The following DIP2C variants were observed in gnomAD, a reference collection of about 807,000 sequenced individuals.
DIP2C encodes the protein DIP2 acetate--CoA ligase C (putative).
Under a neutral mutation model 192.4 loss-of-function variants are expected in DIP2C, and 33 were observed. The observed-to-expected ratio is 0.17, with a 90% CI of 0.13 to 0.23. DIP2C has a LOEUF of 0.23. DIP2C is among the 10% of genes least tolerant of loss of function. DIP2C has a pLI of 1.00. For missense variants in DIP2C, 1,537 were observed against 2,110.1 expected, an observed-to-expected ratio of 0.73 and a Z score of 5.32; for synonymous variants, 979 against 864.1, an observed-to-expected ratio of 1.13 and a Z score of -2.33.
intron 1 of DIP2C, among the ~76,000 whole-genome samples, chr10:597,486 C>G (rs773691907): frequency 6.6e-6 from 1 of 152,158 alleles, no homozygotes; most frequent in Non-Finnish European, 1.5e-5. Context: ...GAATGGAGAC[C>G]TGGTGAATGG....
At chr10:431,837 G>A (rs918883071) in intron 4 of DIP2C, among the ~76,000 whole-genome samples, 2 of 152,170 alleles carry the variant, frequency 1.3e-5, no homozygotes, top group Non-Finnish European at 2.9e-5. Flanking sequence ...ATCTTAGTGG[G>A]AAAAATTCTA....
At chr10:520,017 C>T (rs973253568) in intron 1 of DIP2C, among the ~76,000 whole-genome samples, 19 of 152,240 alleles carry the variant, frequency 1.2e-4, no homozygotes, top group African/African-American at 3.6e-4. Context: ...AGCGATGGTT[C>T]TCCCCAGAGC....
chr10:349,164 GGTC>G (rs1298863017), intron 25 of DIP2C, among the ~76,000 whole-genome samples, 164 bp downstream of exon 25: 7 of 152,218 alleles, frequency 4.6e-5, no homozygotes, highest in African/African-American at 1.4e-4. Flanking sequence ...GCCTGTGAGT[GGTC>G]GTAGCCAGAC....
intron 29 of DIP2C, among the ~76,000 whole-genome samples, chr10:340,187 AAAAAGAT>A (rs1171611833): frequency 6.6e-6 from 1 of 151,932 alleles, no homozygotes; most frequent in Non-Finnish European, 1.5e-5. Context: ...TCAAAAAAAA[AAAAAGAT>A]AAAAGATCCA....
At chr10:528,148 ACCTCCTTGGTT>A (rs1257043483) in intron 1 of DIP2C, among the ~76,000 whole-genome samples, 2 of 151,460 alleles carry the variant, frequency 1.3e-5, no homozygotes, top group Non-Finnish European at 2.9e-5. Flanking sequence ...GAGAGAGAAA[ACCTCCTTGGTT>A]CCTCAAGCTA....
At position 470,772 on chromosome 10, in the gene DIP2C, G is replaced by A. The variant is rs568412620; in HGVS notation, c.268+1667C>T. Among the ~76,000 whole-genome samples, 36 of 152,314 alleles carry A rather than the reference G, an allele frequency of 2.4e-4. No homozygotes were observed. The East Asian group carries it at 4.6e-3, about 20-fold the overall frequency. On this transcript the variant is annotated intron_variant, in intron 3 of 36. Transcript: ENST00000280886. Reference sequence around the variant, plus strand: ...CAAAGATGGGCTTGCATCCTCCTGCGAGGAGCGACCCCGTGTGATCGTCAG... The same window carrying A: ...CAAAGATGGGCTTGCATCCTCCTGCAAGGAGCGACCCCGTGTGATCGTCAG...
chr10:512,481 G>T (rs908393932), intron 1 of DIP2C, among the ~76,000 whole-genome samples: 1 of 152,060 alleles, frequency 6.6e-6, no homozygotes, highest in African/African-American at 2.4e-5. Context: ...GTGCTGAGGT[G>T]GGAGGATCAC....
chr10:649,640 T>C (rs1296456311), intron 1 of DIP2C, among the ~76,000 whole-genome samples: 1 of 152,236 alleles, frequency 6.6e-6, no homozygotes, highest in Non-Finnish European at 1.5e-5. Context: ...TGCCATTCAT[T>C]GGGGGAAGTC....
intron 1 of DIP2C, among the ~76,000 whole-genome samples, chr10:538,182 G>A (rs1488049195): frequency 1.3e-5 from 2 of 152,142 alleles, no homozygotes; most frequent in Non-Finnish European, 2.9e-5. Flanking sequence ...CTTTGGGACA[G>A]GGTCTTGCTC....
At chr10:328,631 T>G (rs571875061) in intron 30 of DIP2C, among the ~76,000 whole-genome samples, 1 of 152,380 alleles carries the variant, frequency 6.6e-6, no homozygotes, top group South Asian at 2.1e-4. Context: ...TTACTTATGT[T>G]ACATAAAGTT....
chr10:384,331 T>C (rs1346165724), intron 15 of DIP2C, among the ~76,000 whole-genome samples, 185 bp from the exon 16 acceptor site: 1 of 130,164 alleles, frequency 7.7e-6, no homozygotes, highest in East Asian at 2.6e-4. Context: ...CTCCTTCTCC[T>C]GGGTTCAAGA....
intron 1 of DIP2C, among the ~76,000 whole-genome samples, chr10:682,097 G>A (rs938529579): frequency 2.0e-5 from 3 of 152,256 alleles, no homozygotes; most frequent in African/African-American, 7.2e-5. Context: ...CTGGTCTGCT[G>A]ACCATGGGCT....
At chr10:589,438 C>T (rs1851276677) in intron 1 of DIP2C, among the ~76,000 whole-genome samples, 1 of 152,212 alleles carries the variant, frequency 6.6e-6, no homozygotes, top group Non-Finnish European at 1.5e-5. Flanking sequence ...ATTTCCATTT[C>T]TTCTACAGGT....
intron 1 of DIP2C, chr10:650,288 C>G (rs1240414742): frequency 1.8e-5 from 13 of 716,734 alleles, no homozygotes; most frequent in Non-Finnish European, 3.4e-5. Context: ...GATGCGATTT[C>G]AGGGCCAGGG....
At chr10:406,971 T>G (rs1465304774) in intron 9 of DIP2C, among the ~76,000 whole-genome samples, 1 of 151,852 alleles carries the variant, frequency 6.6e-6, no homozygotes, top group Non-Finnish European at 1.5e-5. Flanking sequence ...CCCCCTACGA[T>G]CCCATCTCCA....
At chr10:448,429 C>G (rs1968509990) in intron 3 of DIP2C, among the ~76,000 whole-genome samples, 1 of 142,754 alleles carries the variant, frequency 7.0e-6, no homozygotes, top group Non-Finnish European at 1.5e-5. Context: ...TGTCGATAAT[C>G]AGGATCACTC....
At chr10:561,138 C>G (rs1849193019) in intron 1 of DIP2C, among the ~76,000 whole-genome samples, 1 of 152,206 alleles carries the variant, frequency 6.6e-6, no homozygotes, top group African/African-American at 2.4e-5. Context: ...AGGCTGTGCT[C>G]TGACCACCTT....
In DIP2C at chr10:275,658, G is replaced by C. The variant is rs1388975430; in HGVS notation, c.*1667C>G. On this transcript the variant is annotated 3_prime_UTR_variant, in exon 37 of 37. Transcript: ENST00000280886. ...CTTAGTCATGCATATCTAGCACCGA[G>C]AGCCACTGCGGGGTCACACTGGGGC... 2 of 152,064 alleles carry C rather than the reference G, an allele frequency of 1.3e-5. No homozygotes were observed. Among genetic ancestry groups the C allele is most frequent in the African/African-American group, 4.8e-5 (2 of 41,400 alleles). 9.4% of individuals were successfully genotyped at this position (152,064 alleles called of 1,614,324 possible).
In DIP2C at chr10:384,539, G is replaced by C. The variant is rs765849622; in HGVS notation, c.1756+7C>G. The stretch of plus-strand genomic sequence containing the variant: ...AGGTGTGAGCCACTGCGCCCGGCGA[G>C]ACCCACCTTTGTACTGGCAGACCTT... On this transcript the variant is annotated splice_region_variant and intron_variant, in intron 15 of 36. Transcript: ENST00000280886. The C allele has an allele frequency of 1.2e-6, 2 of 1,613,514 alleles. No individual in the cohort carries two copies. Among genetic ancestry groups the C allele is most frequent in the South Asian group, 1.1e-5 (1 of 91,060 alleles).
Sources: allele counts gnomAD v4.1 joint callset (sites outside exome capture counted in the v4.1 genomes callset), GRCh38; gene constraint gnomAD v4.1.1; transcripts MANE v1.5; gene names NCBI Gene and HGNC (gene_info 2026-07-23, HGNC 2026-07-21).